WFDC9: variants seen among roughly 807,000 people sequenced by gnomAD.
The protein encoded by WFDC9 is protein WFDC9.
Under a neutral mutation model 9.5 loss-of-function variants are expected in WFDC9, and 9 were observed. The observed-to-expected ratio is 0.95, with a 90% CI of 0.57 to 1.65. WFDC9 has a LOEUF of 1.65. Among genes scored for constraint, WFDC9 ranks in the 40% most tolerant of loss-of-function variants. The pLI is 0.00. For synonymous variants in WFDC9, 33 were observed against 32.3 expected, an observed-to-expected ratio of 1.02 and a Z score of -0.07; for missense variants, 87 against 106.7, an observed-to-expected ratio of 0.82 and a Z score of 0.81.
At chr20:45,612,337 C>CTATATTCCAAGTTCTGGGTATTGGAA (rs1483508876) in intron 2 of WFDC9, among the ~76,000 whole-genome samples, 6 of 151,918 alleles carry the variant, frequency 3.9e-5, no homozygotes, top group African/African-American at 9.7e-5. Context: ...AAGTGCCTAA[C>CTATATTCCAAGTTCTGGGTATTGGAA]TATATTCCAA....
Position 45,609,400 on chromosome 20 carries a change from C to A in WFDC9, c.92-590G>T, listed in dbSNP as rs1981806438. Among the ~76,000 whole-genome samples, 5 of 152,042 alleles carry A rather than the reference C, an allele frequency of 3.3e-5. No individual in the cohort carries two copies. In the South Asian group the frequency reaches 1.0e-3, roughly 32 times the overall value. Reference sequence around the variant, plus strand: ...TTGTATCTTAATAGAGACGGGGTTTCACCATGTTGGTTGGGCAGTCTCGAA... The same window carrying A: ...TTGTATCTTAATAGAGACGGGGTTTAACCATGTTGGTTGGGCAGTCTCGAA... On this transcript the variant is annotated intron_variant, in intron 3 of 4. Transcript: ENST00000326000.
chr20:45,625,516 T>C (rs1347607798), intron 1 of WFDC9, among the ~76,000 whole-genome samples: 1 of 152,220 alleles, frequency 6.6e-6, no homozygotes. Context: ...TGAGATCTTA[T>C]ATTAAAAATC....
In WFDC9 at chr20:45,608,267, T is replaced by G. The variant is rs1023447468; in HGVS notation, c.240-127A>C. ...CTGCTAAATCAGAAGTTACCCACTT[T>G]TAAGCAATTTCCCCCAAGAAGTTTG... On this transcript the variant is annotated intron_variant, in intron 4 of 4. Coordinates refer to ENST00000326000, the MANE Select transcript of WFDC9 (RefSeq NM_147198.4). The G allele has an allele frequency of 4.5e-6, 5 of 1,113,386 alleles. No individual in the cohort carries two copies. The African/African-American group carries it at 7.8e-5, about 17-fold the overall frequency. 69.0% of individuals were successfully genotyped at this position (1,113,386 alleles called of 1,614,324 possible).
At chr20:45,626,702 T>C (rs974034173) in intron 1 of WFDC9, among the ~76,000 whole-genome samples, 1 of 152,236 alleles carries the variant, frequency 6.6e-6, no homozygotes, top group African/African-American at 2.4e-5. Context: ...AGTTTTTCTC[T>C]ACATAAGAGC....
At chr20:45,617,549 A>AG (rs1374052174) in intron 1 of WFDC9, among the ~76,000 whole-genome samples, 1 of 152,226 alleles carries the variant, frequency 6.6e-6, no homozygotes, top group Non-Finnish European at 1.5e-5. Flanking sequence ...TTTTAGAGAC[A>AG]GGGTCTTGCT....
intron 2 of WFDC9, among the ~76,000 whole-genome samples, chr20:45,613,846 C>A (rs746962709): frequency 6.6e-6 from 1 of 152,134 alleles, no homozygotes; most frequent in Non-Finnish European, 1.5e-5. Context: ...ACAGGTGAAC[C>A]ATGAAGATAC....
chr20:45,623,180 G>C (rs953073375), intron 1 of WFDC9, among the ~76,000 whole-genome samples: 2 of 152,068 alleles, frequency 1.3e-5, no homozygotes, highest in Non-Finnish European at 2.9e-5. Flanking sequence ...ACAAAATTAG[G>C]CCAGGAAAAT....
chr20:45,622,406 T>C (rs563218688), intron 1 of WFDC9, among the ~76,000 whole-genome samples: 2 of 152,380 alleles, frequency 1.3e-5, no homozygotes, highest in Non-Finnish European at 2.9e-5. Flanking sequence ...TTCTTTCATT[T>C]GGGGCAACTT....
intron 1 of WFDC9, among the ~76,000 whole-genome samples, chr20:45,619,903 A>G (rs140043857): frequency 0.014 from 2,110 of 152,062 alleles, 89 homozygotes; most frequent in Admixed American, 0.097. Flanking sequence ...GTGGGTGCCT[A>G]TAATCCCAGC....
At chr20:45,616,601 T>C (rs1981979939) in intron 1 of WFDC9, among the ~76,000 whole-genome samples, 1 of 152,346 alleles carries the variant, frequency 6.6e-6, no homozygotes, top group Admixed American at 6.5e-5. Context: ...GAAATTACTA[T>C]CTATGGTAGC....
intron 1 of WFDC9, among the ~76,000 whole-genome samples, chr20:45,620,380 C>A (rs1434972242): frequency 1.3e-5 from 2 of 151,994 alleles, no homozygotes; most frequent in Non-Finnish European, 2.9e-5. Context: ...TTGCTTGAGG[C>A]CAGGAGTTCA....
In WFDC9 at chr20:45,629,997, C is replaced by G. The variant is rs992171284; in HGVS notation, c.-153+1206G>C. The G allele has an allele frequency of 9.9e-6, 15 of 1,511,506 alleles. No individual in the cohort carries two copies. In the African/African-American group the frequency reaches 1.9e-4, roughly 19 times the overall value. 93.6% of individuals were successfully genotyped at this position (1,511,506 alleles called of 1,614,324 possible). A position where few individuals can be genotyped will look rare whatever the true frequency, so the allele number is the denominator to read the frequency against. On this transcript the variant is annotated intron_variant, in intron 1 of 4. Transcript: ENST00000326000. Reference sequence around the variant, plus strand: ...CTGAGTAGGACCTAGGAGTTGGAAACTCTCTGCATATCCAGCTCTGACCAC... The same window carrying G: ...CTGAGTAGGACCTAGGAGTTGGAAAGTCTCTGCATATCCAGCTCTGACCAC...
rs780239119 is a variant in WFDC9 at position 45,610,248 on chromosome 20, C to A, written c.-58-9G>T. 3.6e-6 allele frequency: 5 copies of A among 1,375,232 alleles called. No individual in the cohort carries two copies. The highest frequency in any genetic ancestry group is 2.3e-5 in the East Asian group (1 of 43,014). 85.2% of individuals were successfully genotyped at this position (1,375,232 alleles called of 1,614,324 possible). ...CAAGTCTTTTCCCAATACTGCTAGA[C>A]GTAGAAAATGGATTGAGGAGAACAG... On this transcript the variant is annotated splice_polypyrimidine_tract_variant and intron_variant, in intron 2 of 4. Transcript: ENST00000326000.
At chr20:45,617,378 C>G (rs906040938) in intron 1 of WFDC9, among the ~76,000 whole-genome samples, 4 of 152,120 alleles carry the variant, frequency 2.6e-5, no homozygotes, top group African/African-American at 9.7e-5. Context: ...TCACTTGGAC[C>G]CAGGTGGCAG....
intron 1 of WFDC9, chr20:45,630,796 T>C: frequency 6.8e-7 from 1 of 1,472,234 alleles, no homozygotes; most frequent in Non-Finnish European, 9.0e-7. Flanking sequence ...TCAAGGGTCT[T>C]GGAGGAGGCT....
At chr20:45,623,495 C>T (rs920941589) in intron 1 of WFDC9, among the ~76,000 whole-genome samples, 8 of 151,802 alleles carry the variant, frequency 5.3e-5, no homozygotes, top group Admixed American at 1.3e-4. Context: ...GGTGTGGTGG[C>T]GGGCACCTGT....
rs146138321 is a variant in WFDC9, at chr20:45,631,171, A to G, written c.-153+32T>C. 7.9e-3 allele frequency: 6,348 copies of G among 805,992 alleles called. 33 individuals are homozygous for G. The highest frequency in any genetic ancestry group is 0.01 in the Non-Finnish European group (5,776 of 573,872). The allele number at this position is 805,992 out of a possible 1,614,324, so 49.9% of individuals were successfully genotyped here. A position where few individuals can be genotyped will look rare whatever the true frequency, so the allele number is the denominator to read the frequency against. ...CTGTCTGAACCCCTTGTCCCTGTCA[A>G]ATAAACCAGAACAAATGCCCAGGGA... On this transcript the variant is annotated intron_variant, in intron 1 of 4. Coordinates refer to ENST00000326000, the MANE Select transcript of WFDC9 (RefSeq NM_147198.4).
At chr20:45,615,979 A>G (rs1361072861) in intron 1 of WFDC9, among the ~76,000 whole-genome samples, 1 of 152,202 alleles carries the variant, frequency 6.6e-6, no homozygotes, top group Admixed American at 6.5e-5. Flanking sequence ...TCTTCCCTCA[A>G]TGTTGATGGT....
At chr20:45,618,519 T>G (rs1196367552) in intron 1 of WFDC9, among the ~76,000 whole-genome samples, 3 of 152,230 alleles carry the variant, frequency 2.0e-5, no homozygotes, top group African/African-American at 7.2e-5. Context: ...GTGAGAAATG[T>G]GGGACTCTTC....
Sources: gnomAD v4.1 joint callset for allele counts (sites outside exome capture counted in the v4.1 genomes callset) on GRCh38, gnomAD v4.1.1 for gene constraint, MANE v1.5 for transcripts, NCBI Gene and HGNC (gene_info 2026-07-23, HGNC 2026-07-21) for gene names.